The following CYP20A1 variants were observed in gnomAD, a reference collection of about 807,000 sequenced individuals.
The protein encoded by CYP20A1 is cytochrome P450 20A1.
Under a neutral mutation model 61.4 loss-of-function variants are expected in CYP20A1, and 61 were observed. The observed-to-expected ratio is 0.99, with a 90% CI of 0.81 to 1.23. The LOEUF (loss-of-function observed/expected upper bound fraction) is 1.23, where lower values mean the gene tolerates loss of function less well. Ranked by LOEUF, CYP20A1 falls within the 50% of genes most tolerant of loss-of-function variation. The pLI is 0.00. For synonymous variants in CYP20A1, 193 were observed against 188.2 expected, an observed-to-expected ratio of 1.03 and a Z score of -0.21; for missense variants, 530 against 542.4, an observed-to-expected ratio of 0.98 and a Z score of 0.23.
In CYP20A1 at chr2:203,275,624, C is replaced by T. The variant is rs1047696555; in HGVS notation, c.679+2876C>T. On this transcript the variant is annotated intron_variant, in intron 6 of 12. Transcript: ENST00000356079. ...TCAAATAATTTTTATAGTTTTAGTA[C>T]AGACGGGGTTTCACCATGTTGGCCA... Among the ~76,000 whole-genome samples, 4 of 151,974 alleles carry T rather than the reference C, an allele frequency of 2.6e-5. No individual in the cohort carries two copies. In the South Asian group the frequency reaches 6.2e-4, roughly 24 times the overall value.
chr2:203,265,025 G>T lies in CYP20A1; in HGVS notation c.433-1489G>T, dbSNP rs1444949608. Among the ~76,000 whole-genome samples, 3 of 152,134 alleles carry T rather than the reference G, an allele frequency of 2.0e-5. No homozygotes were observed. The East Asian group carries it at 5.8e-4, about 29-fold the overall frequency. On this transcript the variant is annotated intron_variant, in intron 4 of 12. Coordinates refer to ENST00000356079, the MANE Select transcript of CYP20A1 (RefSeq NM_177538.3). ...ATTACAGGCGTGAGCCACTGCGCCT[G>T]ACCTCTTTCATGCCTTCTTTAGAAA... is the stretch of plus-strand genomic sequence containing the variant.
chr2:203,241,656 A>C (rs1419479188), intron 1 of CYP20A1, among the ~76,000 whole-genome samples: 3 of 152,108 alleles, frequency 2.0e-5, no homozygotes, highest in Non-Finnish European at 2.9e-5. Flanking sequence ...AACATTGGTA[A>C]TCTTTATTTT....
intron 9 of CYP20A1, among the ~76,000 whole-genome samples, chr2:203,289,502 AT>A (rs1300665818): frequency 6.6e-6 from 1 of 151,906 alleles, no homozygotes; most frequent in African/African-American, 2.4e-5. Flanking sequence ...AAGTGTTTTT[AT>A]TTGTTGAAAT....
chr2:203,278,255 CAG>C (rs927236128), intron 6 of CYP20A1, among the ~76,000 whole-genome samples: 1 of 152,154 alleles, frequency 6.6e-6, no homozygotes, highest in African/African-American at 2.4e-5. Context: ...GCCTGGGCAA[CAG>C]AGCAAGACTG....
chr2:203,286,934 G>A (rs543453598), intron 9 of CYP20A1, among the ~76,000 whole-genome samples: 1 of 152,036 alleles, frequency 6.6e-6, no homozygotes, highest in South Asian at 2.1e-4. Flanking sequence ...AAGATAGAGT[G>A]GCTGGGCGCA....
At position 203,250,800 on chromosome 2, in the gene CYP20A1, C is replaced by G. The variant is rs996864948; in HGVS notation, c.290-1167C>G. Reference sequence around the variant, plus strand: ...AACAGCTAGGCCGGGTGCGGTGGCTCACGCCTGTAATCCCAGCGCTTTGGG... The same window carrying G: ...AACAGCTAGGCCGGGTGCGGTGGCTGACGCCTGTAATCCCAGCGCTTTGGG... On this transcript the variant is annotated intron_variant, in intron 3 of 12. Coordinates refer to ENST00000356079, the MANE Select transcript of CYP20A1 (RefSeq NM_177538.3). Among the ~76,000 whole-genome samples, 4 of 152,114 alleles carry G rather than the reference C, an allele frequency of 2.6e-5. No individual in the cohort carries two copies. The East Asian group carries it at 7.7e-4, about 29-fold the overall frequency.
chr2:203,239,033 C>G lies in CYP20A1; in HGVS notation c.-30C>G. 6.2e-7 allele frequency: 1 copy of G among 1,607,450 alleles called. No individual in the cohort carries two copies. Among genetic ancestry groups the G allele is most frequent in the South Asian group, 1.1e-5 (1 of 90,964 alleles). ...AGGCGCTGCTGCTGGAGCGGCCGAT[C>G]CGAGACGTGGCTCCCTGGGCGGCAG... On this transcript the variant is annotated 5_prime_UTR_variant, in exon 1 of 13. In the 5' UTR this introduces an upstream ATG that the reference lacks. Transcript: ENST00000356079.
intron 1 of CYP20A1, among the ~76,000 whole-genome samples, chr2:203,241,279 G>C (rs1398484239): frequency 6.6e-6 from 1 of 152,172 alleles, no homozygotes; most frequent in Non-Finnish European, 1.5e-5. Flanking sequence ...GGGTGGGCTA[G>C]GTTTGAGATG....
intron 8 of CYP20A1, among the ~76,000 whole-genome samples, chr2:203,281,710 A>G (rs2068049236): frequency 6.6e-6 from 1 of 152,026 alleles, no homozygotes; most frequent in Non-Finnish European, 1.5e-5. Context: ...CTGAGGCAAA[A>G]GAATCGCTTG....
At chr2:203,294,940 A>ATTTTTT (rs1559110323) in intron 11 of CYP20A1, among the ~76,000 whole-genome samples, 1,003 of 91,032 alleles carry the variant, frequency 0.011, 57 homozygotes, top group African/African-American at 0.042. Flanking sequence ...CCTTTAAAAA[A>ATTTTTT]ATTTTTTTTT....
chr2:203,272,027 G>A (rs540788585), intron 5 of CYP20A1, among the ~76,000 whole-genome samples: 34 of 152,260 alleles, frequency 2.2e-4, no homozygotes, highest in African/African-American at 7.7e-4. Context: ...ACTCTGTCTC[G>A]GCGTGGGGGA....
intron 1 of CYP20A1, among the ~76,000 whole-genome samples, chr2:203,244,974 C>T (rs1341310741): frequency 3.5e-5 from 5 of 144,326 alleles, no homozygotes; most frequent in South Asian, 2.2e-4. Flanking sequence ...CCTCGTGATC[C>T]GCCTGCCTCG....
At chr2:203,274,347 G>A (rs1281307219) in intron 6 of CYP20A1, among the ~76,000 whole-genome samples, 2 of 151,784 alleles carry the variant, frequency 1.3e-5, no homozygotes, top group Non-Finnish European at 2.9e-5. Context: ...CACCATGCCC[G>A]GCTCATTTTT....
intron 8 of CYP20A1, among the ~76,000 whole-genome samples, chr2:203,284,603 C>T (rs2068186966): frequency 6.6e-6 from 1 of 151,948 alleles, no homozygotes; most frequent in South Asian, 2.1e-4. Context: ...CCCATTTTGG[C>T]GTTGAGATAA....
At chr2:203,266,711 C>G (rs368963845) in intron 5 of CYP20A1, 30 bp downstream of exon 5, 8 of 1,602,432 alleles carry the variant, frequency 5.0e-6, no homozygotes, top group African/African-American at 1.3e-5. Flanking sequence ...TAAAATTACT[C>G]TTTCAGGCTG....
intron 8 of CYP20A1, among the ~76,000 whole-genome samples, chr2:203,285,231 C>T (rs568181214): frequency 2.0e-5 from 3 of 152,208 alleles, no homozygotes; most frequent in East Asian, 1.9e-4. Flanking sequence ...ACTGATAAAT[C>T]GGCCTAATAA....
intron 8 of CYP20A1, among the ~76,000 whole-genome samples, chr2:203,280,777 G>A (rs1207836417): frequency 6.6e-6 from 1 of 152,142 alleles, no homozygotes; most frequent in Non-Finnish European, 1.5e-5. Flanking sequence ...TTGTTTTAAA[G>A]GGCTGACTCA....
At position 203,292,295 on chromosome 2, in the gene CYP20A1, CAGG is replaced by C. The variant is rs766114054; in HGVS notation, c.1119_1121del (p.Gln373_Asp374delinsHis). On this transcript the variant is annotated inframe_deletion, in exon 11 of 13. Coordinates refer to ENST00000356079, the MANE Select transcript of CYP20A1 (RefSeq NM_177538.3). Reference sequence around the variant, plus strand: ...CCTTTATGCCCTTGGTGTGGTACTTCAGGATCCTAATACTTGGCCATCTCCACA... The same window carrying C: ...CCTTTATGCCCTTGGTGTGGTACTTCATCCTAATACTTGGCCATCTCCACA... 1 of 1,612,498 alleles carries C rather than the reference CAGG, an allele frequency of 6.2e-7. No individual in the cohort carries two copies. Among genetic ancestry groups the C allele is most frequent in the Admixed American group, 1.7e-5 (1 of 59,948 alleles).
In CYP20A1 at chr2:203,298,992, G is replaced by C. The variant is rs529849630; in HGVS notation, c.*2084G>C. ...GGAGGTTGCAGTGAGCTGATGTTGT[G>C]CTAGTGCACTCCAGCCTGGGCGACA... On this transcript the variant is annotated 3_prime_UTR_variant, in exon 13 of 13. Transcript: ENST00000356079. 6.6e-6 allele frequency among the ~76,000 whole-genome samples: 1 copy of C among 151,638 alleles called. No individual in the cohort carries two copies. Among genetic ancestry groups the C allele is most frequent in the Non-Finnish European group, 1.5e-5 (1 of 67,882 alleles).
Sources: allele counts gnomAD v4.1 joint callset (sites outside exome capture counted in the v4.1 genomes callset), GRCh38; gene constraint gnomAD v4.1.1; transcripts MANE v1.5; gene names NCBI Gene and HGNC (gene_info 2026-07-23, HGNC 2026-07-21).